FAF1: variants seen among roughly 807,000 people sequenced by gnomAD.
The protein encoded by FAF1 is Fas associated factor 1, also known as FAS-associated factor 1.
In FAF1, 25 loss-of-function variants were observed where a neutral mutation model predicts 92.5. That is an observed-to-expected ratio of 0.27 (90% CI 0.20 to 0.38). The LOEUF is 0.38. FAF1 is among the 10% of genes least tolerant of loss of function. The pLI is 1.00. For missense variants in FAF1, 636 were observed against 793.3 expected (o/e 0.80, Z 2.38); for synonymous variants, 234 against 273.2 (o/e 0.86, Z 1.42).
intron 2 of FAF1, among the ~76,000 whole-genome samples, chr1:50,850,424 T>C (rs1362089246): frequency 1.3e-5 from 2 of 152,144 alleles, no homozygotes; most frequent in African/African-American, 4.8e-5. Context: ...AAAGCAGATG[T>C]ATGTACACAA....
At chr1:50,568,012 A>G (rs1650250166) in intron 12 of FAF1, among the ~76,000 whole-genome samples, 1 of 152,150 alleles carries the variant, frequency 6.6e-6, no homozygotes. Context: ...AATTAAAACT[A>G]AAAACTGAAA....
At chr1:50,604,863 A>G (rs965128504) in intron 8 of FAF1, among the ~76,000 whole-genome samples, 5 of 152,200 alleles carry the variant, frequency 3.3e-5, no homozygotes, top group African/African-American at 1.2e-4. Context: ...TTAATTGTAA[A>G]ATACTAACAA....
intron 7 of FAF1, among the ~76,000 whole-genome samples, chr1:50,695,369 T>C (rs952738513): frequency 2.0e-5 from 3 of 151,646 alleles, no homozygotes; most frequent in African/African-American, 4.8e-5. Flanking sequence ...GATTGCACCA[T>C]TGCACTAAAA....
At chr1:50,549,166 G>A (rs546807426) in intron 13 of FAF1, among the ~76,000 whole-genome samples, 1 of 152,108 alleles carries the variant, frequency 6.6e-6, no homozygotes, top group African/African-American at 2.4e-5. Context: ...TCTAGAATAT[G>A]CACCAACATC....
At chr1:50,753,195 C>T (rs933040141) in intron 4 of FAF1, among the ~76,000 whole-genome samples, 2 of 152,184 alleles carry the variant, frequency 1.3e-5, no homozygotes, top group African/African-American at 4.8e-5. Context: ...AACCTCTTCC[C>T]TAGAGAACCA....
At position 50,554,382 on chromosome 1, in the gene FAF1, T is replaced by TAGAG. The variant is rs541317145; in HGVS notation, c.1268+12694_1268+12695insCTCT. Among the ~76,000 whole-genome samples the TAGAG allele has an allele frequency of 6.7e-3, 665 of 98,960 alleles. 5 individuals are homozygous for TAGAG. Among genetic ancestry groups the TAGAG allele is most frequent in the African/African-American group, 0.024 (500 of 20,462 alleles). The allele number at this position is 98,960 out of a possible 152,430, so 64.9% of individuals were successfully genotyped here. On this transcript the variant is annotated intron_variant, in intron 13 of 18. Transcript: ENST00000396153. ...TGAGGTAAATATATATATATATATA[T>TAGAG]ATATATATAGAGAGAGAGAGAGAGA...
chr1:50,655,428 T>C lies in FAF1; in HGVS notation c.744+14A>G. ...AAAGGAGGATATAAAACTGAAAATTTGACTGTCACTTACTGAGTCGTCTGT... is the reference window on the plus strand; with the variant it reads ...AAAGGAGGATATAAAACTGAAAATTCGACTGTCACTTACTGAGTCGTCTGT... On this transcript the variant is annotated intron_variant, in intron 8 of 18. Coordinates refer to ENST00000396153, the MANE Select transcript of FAF1 (RefSeq NM_007051.3). The C allele has an allele frequency of 6.3e-7, 1 of 1,589,146 alleles. No individual in the cohort carries two copies. The highest frequency in any genetic ancestry group is 8.6e-7 in the Non-Finnish European group (1 of 1,157,914).
chr1:50,559,873 T>G (rs1649789711), intron 13 of FAF1, among the ~76,000 whole-genome samples: 1 of 152,162 alleles, frequency 6.6e-6, no homozygotes, highest in Non-Finnish European at 1.5e-5. Context: ...GGCAATACAC[T>G]TCCTTTAAAA....
chr1:50,442,589 T>C (rs2148972834), intron 18 of FAF1, among the ~76,000 whole-genome samples: 1 of 152,314 alleles, frequency 6.6e-6, no homozygotes, highest in Admixed American at 6.5e-5. Context: ...CAATCTCTAG[T>C]CAGGCCTGAG....
intron 2 of FAF1, among the ~76,000 whole-genome samples, chr1:50,819,485 G>C (rs2124616391): frequency 6.7e-6 from 1 of 149,648 alleles, no homozygotes; most frequent in South Asian, 2.1e-4. Flanking sequence ...AAATTAGCTA[G>C]GCATGGTGGT....
At chr1:50,569,908 T>C (rs1009552467) in intron 12 of FAF1, among the ~76,000 whole-genome samples, 1 of 151,994 alleles carries the variant, frequency 6.6e-6, no homozygotes, top group Non-Finnish European at 1.5e-5. Flanking sequence ...AGGGCACTAA[T>C]GCACAATATC....
At chr1:50,796,193 C>T (rs1199418219) in intron 3 of FAF1, among the ~76,000 whole-genome samples, 1 of 151,822 alleles carries the variant, frequency 6.6e-6, no homozygotes, top group Non-Finnish European at 1.5e-5. Context: ...GAAACAAAAA[C>T]TTTGGCAGCA....
intron 9 of FAF1, among the ~76,000 whole-genome samples, chr1:50,591,327 G>A (rs1019050172): frequency 2.0e-5 from 3 of 152,036 alleles, no homozygotes; most frequent in Non-Finnish European, 1.5e-5. Flanking sequence ...ACAGCAGAGC[G>A]CTCTTCACTA....
chr1:50,685,238 T>C (rs1019434681), intron 7 of FAF1, among the ~76,000 whole-genome samples: 1 of 152,220 alleles, frequency 6.6e-6, no homozygotes, highest in Non-Finnish European at 1.5e-5. Context: ...CTGAGGTACA[T>C]GGAAAGACAA....
At chr1:50,850,300 G>A (rs921878064) in intron 2 of FAF1, among the ~76,000 whole-genome samples, 1 of 152,172 alleles carries the variant, frequency 6.6e-6, no homozygotes, top group African/African-American at 2.4e-5. Flanking sequence ...ACTCATTCAT[G>A]ATGAAGAGGA....
At chr1:50,594,403 G>C (rs371060021) in intron 9 of FAF1, among the ~76,000 whole-genome samples, 1 of 152,016 alleles carries the variant, frequency 6.6e-6, no homozygotes, top group Admixed American at 6.6e-5. Flanking sequence ...TGAAGTCTTG[G>C]TGATGACTTT....
intron 7 of FAF1, among the ~76,000 whole-genome samples, chr1:50,657,190 A>C (rs1026083610): frequency 6.6e-6 from 1 of 152,124 alleles, no homozygotes; most frequent in Non-Finnish European, 1.5e-5. Flanking sequence ...CCCACCTGGC[A>C]GACAGAGTGA....
Position 50,584,822 on chromosome 1 carries a change from A to G in FAF1, c.841-11T>C. 1 of 1,612,138 alleles carries G rather than the reference A, an allele frequency of 6.2e-7. No individual in the cohort carries two copies. The highest frequency in any genetic ancestry group is 2.2e-5 in the East Asian group (1 of 44,790). ...AACATCGGTGATTTGCTATTTAAGGAAAGTCCTGATTAGTTTCATATTGAT... is the reference window on the plus strand; with the variant it reads ...AACATCGGTGATTTGCTATTTAAGGGAAGTCCTGATTAGTTTCATATTGAT... On this transcript the variant is annotated splice_polypyrimidine_tract_variant and intron_variant, in intron 9 of 18. Coordinates refer to ENST00000396153, the MANE Select transcript of FAF1 (RefSeq NM_007051.3).
intron 1 of FAF1, among the ~76,000 whole-genome samples, chr1:50,907,665 A>G (rs1453686220): frequency 1.3e-5 from 2 of 152,042 alleles, no homozygotes; most frequent in Non-Finnish European, 2.9e-5. Flanking sequence ...GTTTTTTTTC[A>G]TAGAGTTGTT....
Sources: allele counts gnomAD v4.1 joint callset (sites outside exome capture counted in the v4.1 genomes callset), GRCh38; gene constraint gnomAD v4.1.1; transcripts MANE v1.5; gene names NCBI Gene and HGNC (gene_info 2026-07-23, HGNC 2026-07-21).